Variants in NBDY observed in about 807,000 individuals in gnomAD.
The protein encoded by NBDY is negative regulator of P-body association, also known as P-body dissociating protein.
intron 2 of NBDY, among the ~76,000 whole-genome samples, chrX:56,795,253 G>A (rs2069786190): frequency 8.9e-6 from 1 of 112,039 alleles, no homozygotes; most frequent in Non-Finnish European, 1.9e-5. Context: ...TTGATACAGA[G>A]CTCTCTGGGG....
At chrX:56,733,878 C>T (rs1307975000) in intron 2 of NBDY, among the ~76,000 whole-genome samples, 1 of 111,919 alleles carries the variant, frequency 8.9e-6, no homozygotes, top group Non-Finnish European at 1.9e-5. Flanking sequence ...CCAAGTACTT[C>T]GGTTATTTTC....
At chrX:56,737,385 T>C in intron 2 of NBDY, 3 of 657,171 alleles carry the variant, frequency 4.6e-6, no homozygotes, top group South Asian at 2.2e-5. Context: ...TCCAATGCAC[T>C]CTTAATGTGA....
At chrX:56,752,928 A>C (rs1253271493) in intron 2 of NBDY, among the ~76,000 whole-genome samples, 1 of 112,395 alleles carries the variant, frequency 8.9e-6, no homozygotes, top group Non-Finnish European at 1.9e-5. Context: ...ATTGAATCAT[A>C]AAAATCAGAA....
chrX:56,810,519 C>A (rs749314081), intron 2 of NBDY, among the ~76,000 whole-genome samples: 122 of 109,369 alleles, frequency 1.1e-3, no homozygotes, highest in Non-Finnish European at 1.8e-3. Context: ...CTCTGATATC[C>A]TTTCTTCTGC....
chrX:56,804,343 A>G (rs1452058625), intron 2 of NBDY, among the ~76,000 whole-genome samples: 1 of 111,978 alleles, frequency 8.9e-6, no homozygotes, highest in Non-Finnish European at 1.9e-5. Context: ...CACCTGTCCC[A>G]GGCCTTCAGC....
intron 2 of NBDY, among the ~76,000 whole-genome samples, chrX:56,753,561 T>G (rs1376162640): frequency 9.0e-6 from 1 of 111,273 alleles, no homozygotes; most frequent in Non-Finnish European, 1.9e-5. Flanking sequence ...GAAGAAAAAG[T>G]GGTCAAGAAG....
intron 2 of NBDY, among the ~76,000 whole-genome samples, chrX:56,739,843 C>T (rs189739737): frequency 1.8e-5 from 2 of 111,718 alleles, no homozygotes; most frequent in East Asian, 5.6e-4. Flanking sequence ...TTATCATCCA[C>T]TGGTTTTCAA....
At chrX:56,752,171 G>C (rs1223164116) in intron 2 of NBDY, among the ~76,000 whole-genome samples, 1 of 112,148 alleles carries the variant, frequency 8.9e-6, no homozygotes, top group Non-Finnish European at 1.9e-5. Flanking sequence ...ACATACGAGT[G>C]CTTGTGTCTT....
In NBDY at chrX:56,817,902, T is replaced by G. The variant is rs2069917970; in HGVS notation, c.*749T>G. ...TTTTTTCTGACTGAAATGGTTGATG[T>G]GCTTGTTTTTTGTAATTTTCTACTT... On this transcript the variant is annotated 3_prime_UTR_variant, in exon 3 of 3. Coordinates refer to ENST00000374922, the MANE Select transcript of NBDY (RefSeq NM_001348129.2). 1 of 111,752 alleles carries G rather than the reference T, an allele frequency of 8.9e-6. No homozygotes were observed. Among genetic ancestry groups the G allele is most frequent in the Non-Finnish European group, 1.9e-5 (1 of 53,152 alleles). 9.2% of individuals were successfully genotyped at this position (111,752 alleles called of 1,213,427 possible).
intron 2 of NBDY, among the ~76,000 whole-genome samples, chrX:56,803,644 A>G (rs1184593500): frequency 9.0e-6 from 1 of 111,040 alleles, no homozygotes; most frequent in African/African-American, 3.3e-5. Context: ...GTCAGAGTCC[A>G]CCCAGCCCGA....
intron 2 of NBDY, among the ~76,000 whole-genome samples, chrX:56,765,819 G>A (rs1173600869): frequency 1.9e-5 from 2 of 102,895 alleles, no homozygotes; most frequent in South Asian, 4.5e-4. Context: ...CTTCTCCTTT[G>A]CCTCTTTTTC....
intron 2 of NBDY, among the ~76,000 whole-genome samples, chrX:56,813,691 C>CT (rs930615630): frequency 2.7e-5 from 3 of 111,750 alleles, no homozygotes; most frequent in African/African-American, 9.8e-5. Flanking sequence ...GATGGGCATG[C>CT]TTTTTTGTCT....
At chrX:56,731,720 A>G (rs1323745149) in intron 1 of NBDY, among the ~76,000 whole-genome samples, 9 of 112,029 alleles carry the variant, frequency 8.0e-5, no homozygotes, top group Non-Finnish European at 1.7e-4. Context: ...TTTACTGAAG[A>G]TTTATGTGCC....
At chrX:56,806,803 A>T (rs2069853305) in intron 2 of NBDY, among the ~76,000 whole-genome samples, 1 of 111,506 alleles carries the variant, frequency 9.0e-6, no homozygotes, top group Non-Finnish European at 1.9e-5. Context: ...TGCTGTACAG[A>T]AGCTCTTTAG....
intron 2 of NBDY, among the ~76,000 whole-genome samples, chrX:56,784,534 C>T (rs1374521017): frequency 8.9e-6 from 1 of 111,987 alleles, no homozygotes; most frequent in Non-Finnish European, 1.9e-5. Context: ...CAGTTATTTG[C>T]CCCGGCATCT....
intron 2 of NBDY, among the ~76,000 whole-genome samples, chrX:56,796,084 C>T (rs1043083311): frequency 1.8e-5 from 2 of 111,758 alleles, no homozygotes; most frequent in Non-Finnish European, 3.8e-5. Flanking sequence ...TTCAGGTTTC[C>T]GGTTCCCTCT....
intron 2 of NBDY, among the ~76,000 whole-genome samples, chrX:56,734,622 A>C (rs1406725256): frequency 3.6e-5 from 4 of 111,812 alleles, no homozygotes; most frequent in African/African-American, 1.3e-4. Context: ...CATCCTAATC[A>C]AAGCTGTCAT....
At chrX:56,797,154 CCTT>C (rs780275389) in intron 2 of NBDY, among the ~76,000 whole-genome samples, 8 of 105,431 alleles carry the variant, frequency 7.6e-5, no homozygotes, top group Non-Finnish European at 1.4e-4. Context: ...CCCCTTCCCT[CCTT>C]CTCCTTCTTC....
chrX:56,817,018 G>A (rs2069913861), intron 2 of NBDY, among the ~76,000 whole-genome samples: 1 of 111,512 alleles, frequency 9.0e-6, no homozygotes, highest in South Asian at 3.7e-4. Context: ...GAGTAATAGC[G>A]GTAGACATCC....
Sources: gnomAD v4.1 joint callset for allele counts (sites outside exome capture counted in the v4.1 genomes callset) on GRCh38, gnomAD v4.1.1 for gene constraint, MANE v1.5 for transcripts, NCBI Gene and HGNC (gene_info 2026-07-23, HGNC 2026-07-21) for gene names.